The following CDC42BPA variants were observed in gnomAD, a reference collection of about 807,000 sequenced individuals.
CDC42BPA encodes the protein serine/threonine-protein kinase MRCK alpha.
Under a neutral mutation model 223.5 loss-of-function variants are expected in CDC42BPA, and 80 were observed. The observed-to-expected ratio is 0.36, with a 90% CI of 0.30 to 0.43. The LOEUF (loss-of-function observed/expected upper bound fraction) is 0.43, where lower values mean the gene tolerates loss of function less well. Ranked by LOEUF, CDC42BPA falls within the 20% of genes least tolerant of loss-of-function variation. CDC42BPA has a pLI of 1.00. For missense variants in CDC42BPA, 1,743 were observed against 2,099.9 expected (o/e 0.83, Z 3.32); for synonymous variants, 694 against 718.6 (o/e 0.97, Z 0.55).
At chr1:227,292,450 T>A (rs1250863248) in intron 1 of CDC42BPA, among the ~76,000 whole-genome samples, 2 of 152,212 alleles carry the variant, frequency 1.3e-5, no homozygotes, top group South Asian at 2.1e-4. Context: ...TGATTATTTT[T>A]AAAAATCTTG....
At chr1:227,289,699 A>G (rs1689373221) in intron 1 of CDC42BPA, among the ~76,000 whole-genome samples, 1 of 152,154 alleles carries the variant, frequency 6.6e-6, no homozygotes, top group Admixed American at 6.5e-5. Context: ...AAATGAATTA[A>G]TGTGTGTACT....
intron 1 of CDC42BPA, among the ~76,000 whole-genome samples, chr1:227,271,945 CAAAG>C (rs1686028499): frequency 6.6e-6 from 1 of 151,966 alleles, no homozygotes; most frequent in African/African-American, 2.4e-5. Flanking sequence ...AGATAAATTA[CAAAG>C]AAAGAAAAAA....
chr1:226,994,979 C>T lies in CDC42BPA; in HGVS notation c.4977G>A (p.Arg1659=), dbSNP rs777985904. Residue 1659 remains arginine, a splice_region_variant and synonymous_variant, in exon 36 of 37, where the codon AGG becomes AGA. Coordinates refer to ENST00000366766, the MANE Select transcript of CDC42BPA (RefSeq NM_001394014.1). This position sits in a 1 kb window ranked among gnomAD's most constrained non-coding sequence, Gnocchi z 4.0. The part of the protein sequence containing the change: ...SMSASSGLSA[R]SSAQNGSALK... ...ATGCGCTGCCATTCTGTGCGGATGA[C>T]CCTACAGTACATCATGCAGGCAAAA... 1.9e-6 allele frequency: 3 copies of T among 1,611,920 alleles called. No individual in the cohort carries two copies. The highest frequency in any genetic ancestry group is 2.2e-5 in the East Asian group (1 of 44,812).
rs1260389579 is a variant in CDC42BPA at position 226,993,433 on chromosome 1, G to A, written c.*835C>T. 2.0e-5 allele frequency: 3 copies of A among 152,304 alleles called. No individual in the cohort carries two copies. Among genetic ancestry groups the A allele is most frequent in the African/African-American group, 7.2e-5 (3 of 41,454 alleles). 9.4% of individuals were successfully genotyped at this position (152,304 alleles called of 1,614,324 possible). ...TGGCTTCAAATGTTAAAGCTCTGGT[G>A]CCCAGGGCATGCCCCAAACCAGCAA... On this transcript the variant is annotated 3_prime_UTR_variant, in exon 37 of 37. Transcript: ENST00000366766.
At chr1:227,019,576 C>T (rs1666983425) in intron 32 of CDC42BPA, among the ~76,000 whole-genome samples, 1 of 152,308 alleles carries the variant, frequency 6.6e-6, no homozygotes, top group Non-Finnish European at 1.5e-5. Flanking sequence ...CTATCTGTGG[C>T]AGCTATGGCC....
At chr1:227,174,088 T>C (rs1666548973) in intron 5 of CDC42BPA, among the ~76,000 whole-genome samples, 1 of 152,212 alleles carries the variant, frequency 6.6e-6, no homozygotes, top group South Asian at 2.1e-4. Flanking sequence ...TTTTTAACTA[T>C]ATTTTTAACT....
intron 7 of CDC42BPA, among the ~76,000 whole-genome samples, chr1:227,145,955 C>T (rs2149676175): frequency 6.6e-6 from 1 of 152,170 alleles, no homozygotes; most frequent in Non-Finnish European, 1.5e-5. Flanking sequence ...CATGCATGCG[C>T]TATAGAAAGA....
At chr1:227,195,469 T>C (rs972136906) in intron 4 of CDC42BPA, among the ~76,000 whole-genome samples, 6 of 147,586 alleles carry the variant, frequency 4.1e-5, no homozygotes, top group Admixed American at 6.9e-5. Flanking sequence ...AGCCACCACG[T>C]CGGGGTACCC....
intron 5 of CDC42BPA, among the ~76,000 whole-genome samples, chr1:227,175,905 T>C (rs1286213025): frequency 6.6e-6 from 1 of 152,194 alleles, no homozygotes; most frequent in Non-Finnish European, 1.5e-5. Flanking sequence ...CACTGCTACG[T>C]GCTGGTCACT....
chr1:227,205,463 A>G (rs1672558943), intron 3 of CDC42BPA, among the ~76,000 whole-genome samples: 1 of 151,912 alleles, frequency 6.6e-6, no homozygotes, highest in Non-Finnish European at 1.5e-5. Context: ...TCATTATAAT[A>G]AAATTTTCTG....
At chr1:227,044,410 T>A (rs1032975940) in intron 23 of CDC42BPA, among the ~76,000 whole-genome samples, 3 of 145,146 alleles carry the variant, frequency 2.1e-5, no homozygotes, top group Non-Finnish European at 4.6e-5. Context: ...TCACAAAAAA[T>A]TTTTCTACAT....
chr1:227,179,111 A>G (rs1667463857), intron 5 of CDC42BPA, among the ~76,000 whole-genome samples: 1 of 152,208 alleles, frequency 6.6e-6, no homozygotes, highest in African/African-American at 2.4e-5. Flanking sequence ...TTTATAGGCA[A>G]TGTCTGGAAT....
chr1:227,293,630 A>G (rs1329585021), intron 1 of CDC42BPA, among the ~76,000 whole-genome samples: 1 of 151,774 alleles, frequency 6.6e-6, no homozygotes. Flanking sequence ...GTTTGAGACC[A>G]GCCTAACCAA....
At chr1:227,133,055 C>A (rs1242530356) in intron 10 of CDC42BPA, among the ~76,000 whole-genome samples, 1 of 150,934 alleles carries the variant, frequency 6.6e-6, no homozygotes, top group African/African-American at 2.4e-5. Context: ...TCAGCCCCCA[C>A]CAGGCCAGCC....
At chr1:227,110,981 G>C (rs190400576) in intron 14 of CDC42BPA, among the ~76,000 whole-genome samples, 8 of 152,246 alleles carry the variant, frequency 5.3e-5, no homozygotes, top group Admixed American at 1.3e-4. Context: ...TCAATATCTG[G>C]TCCTTTGCCA....
chr1:227,053,718 G>T (rs1309145796), intron 21 of CDC42BPA, among the ~76,000 whole-genome samples: 2 of 152,090 alleles, frequency 1.3e-5, no homozygotes, highest in Non-Finnish European at 2.9e-5. Context: ...TTTCCTGATA[G>T]TAAATTTTGA....
intron 14 of CDC42BPA, among the ~76,000 whole-genome samples, chr1:227,104,182 A>G (rs1248299955): frequency 1.3e-5 from 2 of 152,260 alleles, no homozygotes; most frequent in Middle Eastern, 6.8e-3. Context: ...ATAAAGAGGT[A>G]CAACTTTTTT....
intron 22 of CDC42BPA, among the ~76,000 whole-genome samples, chr1:227,049,865 TTTGA>T (rs373458256): frequency 1.3e-4 from 20 of 152,240 alleles, no homozygotes; most frequent in African/African-American, 4.8e-4. Flanking sequence ...TATATATCAG[TTTGA>T]TTAAGGTCCT....
chr1:227,235,611 C>G (rs766315647), intron 2 of CDC42BPA, among the ~76,000 whole-genome samples: 2 of 152,156 alleles, frequency 1.3e-5, no homozygotes, highest in Non-Finnish European at 2.9e-5. Context: ...AGTTCCCTAA[C>G]AAAGGAAATA....
Sources: gnomAD v4.1 joint callset for allele counts (sites outside exome capture counted in the v4.1 genomes callset) on GRCh38, gnomAD v4.1.1 for gene constraint, Gnocchi (gnomAD v3.1) non-coding constraint, MANE v1.5 for transcripts, NCBI Gene and HGNC (gene_info 2026-07-23, HGNC 2026-07-21) for gene names.